Variants in METTL15 observed in about 807,000 individuals in gnomAD.
METTL15 encodes 12S rRNA N(4)-cytidine methyltransferase METTL15.
Under a neutral mutation model 38.3 loss-of-function variants are expected in METTL15, and 34 were observed. The ratio of observed to expected loss-of-function variants is 0.89; its 90% CI spans 0.68 to 1.18. METTL15 has a LOEUF of 1.18. Ranked by LOEUF, METTL15 falls within the 50% of genes most tolerant of loss-of-function variation. The pLI is 0.00. For missense variants in METTL15, 438 were observed against 498.4 expected (o/e 0.88, Z 1.15); for synonymous variants, 162 against 170.9 (o/e 0.95, Z 0.41).
intron 3 of METTL15, among the ~76,000 whole-genome samples, chr11:28,347,511 A>G (rs1424149140): frequency 2.0e-5 from 3 of 152,166 alleles, no homozygotes; most frequent in African/African-American, 4.8e-5. Flanking sequence ...TCTGTATTCA[A>G]TCCTGAATTG....
intron 4 of METTL15, among the ~76,000 whole-genome samples, chr11:28,361,606 A>C (rs1418537083): frequency 6.6e-6 from 1 of 152,208 alleles, no homozygotes; most frequent in Non-Finnish European, 1.5e-5. Flanking sequence ...GAGGAGTTCT[A>C]ATAAATATAC....
chr11:28,508,401 A>C (rs1191131495), intron 6 of METTL15, among the ~76,000 whole-genome samples: 2 of 152,204 alleles, frequency 1.3e-5, no homozygotes, highest in African/African-American at 4.8e-5. Context: ...GCATGAATGT[A>C]TCTATCCATC....
intron 3 of METTL15, among the ~76,000 whole-genome samples, chr11:28,144,227 C>T (rs1418922552): frequency 6.6e-6 from 1 of 152,096 alleles, no homozygotes; most frequent in African/African-American, 2.4e-5. Context: ...TTCTACTTAG[C>T]TTACTGCCAA....
chr11:28,187,168 A>G (rs1289579898), intron 3 of METTL15, among the ~76,000 whole-genome samples: 2 of 151,292 alleles, frequency 1.3e-5, no homozygotes, highest in African/African-American at 4.8e-5. Flanking sequence ...AATTAACTAA[A>G]TTTATCCAGT....
chr11:28,430,142 G>A (rs1182510375), intron 6 of METTL15, among the ~76,000 whole-genome samples: 1 of 151,654 alleles, frequency 6.6e-6, no homozygotes, highest in Admixed American at 6.6e-5. Flanking sequence ...TCTGAGAAGT[G>A]AGGAGCCCCT....
downstream of METTL15, among the ~76,000 whole-genome samples, chr11:28,337,666 C>T (rs866857680): frequency 6.6e-6 from 1 of 152,130 alleles, no homozygotes; most frequent in Non-Finnish European, 1.5e-5. Flanking sequence ...ATAGTAAGTG[C>T]ACCTTTTTTT....
At chr11:28,167,639 G>A (rs905883530) in intron 3 of METTL15, among the ~76,000 whole-genome samples, 1 of 151,182 alleles carries the variant, frequency 6.6e-6, no homozygotes, top group Admixed American at 6.6e-5. Context: ...CTAGTCACTG[G>A]GGCTTACATA....
At chr11:28,145,340 C>A (rs903630348) in intron 3 of METTL15, 13 of 151,720 alleles carry the variant, frequency 8.6e-5, no homozygotes, top group African/African-American at 1.5e-4. Flanking sequence ...ACTAATTTAC[C>A]TTTGTAAGTC....
In METTL15 at chr11:28,399,400, C is replaced by T. The variant is rs147102048; in HGVS notation, c.*359-24899C>T. On this transcript the variant is annotated intron_variant and NMD_transcript_variant, in intron 5 of 7. Coordinates refer to the METTL15 transcript ENST00000532947. ...AGGGAATTTCATTCTCTTTTACCTG[C>T]GGCTACTATTAGGGAAAATGAAACT... Among the ~76,000 whole-genome samples the T allele has an allele frequency of 7.2e-5, 11 of 152,028 alleles. No homozygotes were observed. In the East Asian group the frequency reaches 1.7e-3, roughly 24 times the overall value.
At chr11:28,185,255 G>A (rs376343980) in intron 3 of METTL15, among the ~76,000 whole-genome samples, 1 of 151,112 alleles carries the variant, frequency 6.6e-6, no homozygotes, top group Non-Finnish European at 1.5e-5. Flanking sequence ...TTTAAATAAC[G>A]AAACACTAGA....
At chr11:28,466,567 A>T (rs1304818401) in intron 6 of METTL15, among the ~76,000 whole-genome samples, 1 of 152,172 alleles carries the variant, frequency 6.6e-6, no homozygotes, top group East Asian at 1.9e-4. Flanking sequence ...GTCTCCAGTA[A>T]CTATGTAATT....
At chr11:28,168,721 A>G (rs1252212466) in intron 3 of METTL15, among the ~76,000 whole-genome samples, 1 of 151,670 alleles carries the variant, frequency 6.6e-6, no homozygotes, top group Non-Finnish European at 1.5e-5. Flanking sequence ...ATTCTCATGT[A>G]CCTGAATTAT....
Position 28,330,732 on chromosome 11 carries a change from C to T in METTL15, c.1115C>T (p.Pro372Leu). ...GAAGAAGTCTCTATGAGAAGAGCTCCTTTAATGTGGGAATTGATACACAAG... is the reference window on the plus strand; with the variant it reads ...GAAGAAGTCTCTATGAGAAGAGCTCTTTTAATGTGGGAATTGATACACAAG... ...NTEEVSMRRA[P>L]LMWELIHKKV... Residue 372 changes from proline (P) to leucine (L), a missense_variant, in exon 7 of 7, where the codon CCT becomes CTT. By Grantham distance (98) the Pro-to-Leu change is moderately conservative. Transcript: ENST00000407364. 2 of 1,551,570 alleles carry T rather than the reference C, an allele frequency of 1.3e-6. No individual in the cohort carries two copies. Among genetic ancestry groups the T allele is most frequent in the Non-Finnish European group, 1.7e-6 (2 of 1,146,824 alleles).
chr11:28,431,999 G>A (rs1362875269), intron 6 of METTL15, among the ~76,000 whole-genome samples: 3 of 152,074 alleles, frequency 2.0e-5, no homozygotes, highest in South Asian at 2.1e-4. Context: ...TAGGAATGGA[G>A]GAATCCTTCC....
chr11:28,309,099 C>T lies in METTL15; in HGVS notation c.778+12168C>T, dbSNP rs1175386733. On this transcript the variant is annotated intron_variant, in intron 6 of 6. Coordinates refer to ENST00000407364, the MANE Select transcript of METTL15 (RefSeq NM_001113528.2). Reference sequence around the variant, plus strand: ...GTAGTGGCCTGCTCTGTATGTCTGCCGAAATTTCATGTCAATACTTTAATC... The same window carrying T: ...GTAGTGGCCTGCTCTGTATGTCTGCTGAAATTTCATGTCAATACTTTAATC... Among the ~76,000 whole-genome samples the T allele has an allele frequency of 3.9e-5, 6 of 152,032 alleles. No individual in the cohort carries two copies. In the South Asian group the frequency reaches 8.3e-4, roughly 21 times the overall value.
intron 6 of METTL15, among the ~76,000 whole-genome samples, chr11:28,319,675 C>G (rs1004786051): frequency 2.6e-5 from 4 of 152,036 alleles, no homozygotes; most frequent in African/African-American, 9.7e-5. Context: ...CAAAATCTAC[C>G]TCTGGTATTT....
intron 3 of METTL15, among the ~76,000 whole-genome samples, chr11:28,139,217 A>G (rs887096670): frequency 2.0e-5 from 3 of 152,104 alleles, no homozygotes; most frequent in African/African-American, 4.8e-5. Context: ...TGGGGACACA[A>G]TTACCCATCT....
intron 3 of METTL15, among the ~76,000 whole-genome samples, chr11:28,155,051 GAA>G (rs1287296278): frequency 6.6e-6 from 1 of 152,114 alleles, no homozygotes; most frequent in African/African-American, 2.4e-5. Flanking sequence ...AGAATACAAG[GAA>G]AAGAGAATTA....
chr11:28,178,781 C>A (rs189253287), intron 3 of METTL15, among the ~76,000 whole-genome samples: 43 of 151,670 alleles, frequency 2.8e-4, no homozygotes, highest in Non-Finnish European at 5.3e-4. Flanking sequence ...TTATTCATTG[C>A]GAATATTTTA....
Sources: allele counts gnomAD v4.1 joint callset (sites outside exome capture counted in the v4.1 genomes callset), GRCh38; gene constraint gnomAD v4.1.1; transcripts MANE v1.5; gene names NCBI Gene and HGNC (gene_info 2026-07-23, HGNC 2026-07-21).